CSMD1: variants seen among roughly 807,000 people sequenced by gnomAD.
The protein encoded by CSMD1 is CUB and sushi domain-containing protein 1.
CSMD1 carries 213 observed loss-of-function variants against 417.5 expected under a neutral mutation model. The observed-to-expected ratio is 0.51, with a 90% CI of 0.46 to 0.57. The LOEUF (loss-of-function observed/expected upper bound fraction) is 0.57, where lower values mean the gene tolerates loss of function less well. Ranked by LOEUF, CSMD1 falls within the 20% of genes least tolerant of loss-of-function variation. The probability of loss-of-function intolerance (pLI) is 0.00; values close to 1 mark genes in which losing one functional copy is unlikely to be tolerated. For synonymous variants in CSMD1, 2,862 were observed against 1,736.8 expected (o/e 1.65, Z -16.11); for missense variants, 6,923 against 4,529.7 (o/e 1.53, Z -15.17).
chr8:3,797,323 A>T (rs944738432), intron 5 of CSMD1, among the ~76,000 whole-genome samples: 3 of 151,974 alleles, frequency 2.0e-5, no homozygotes, highest in Admixed American at 1.3e-4. Flanking sequence ...ATATAATTCA[A>T]TGATTGTTGA....
chr8:2,961,821 C>A (rs777054524), intron 61 of CSMD1, among the ~76,000 whole-genome samples: 3 of 152,080 alleles, frequency 2.0e-5, no homozygotes, highest in African/African-American at 2.4e-5. Flanking sequence ...GAGTGACTAA[C>A]CTTCTAGGGG....
chr8:3,929,072 A>T (rs1809956308), intron 5 of CSMD1, among the ~76,000 whole-genome samples: 1 of 150,480 alleles, frequency 6.6e-6, no homozygotes. Context: ...GAAAATTAAA[A>T]GCACAGAGAA....
At chr8:3,950,293 C>A (rs758352695) in intron 5 of CSMD1, among the ~76,000 whole-genome samples, 1 of 152,098 alleles carries the variant, frequency 6.6e-6, no homozygotes, top group East Asian at 1.9e-4. Flanking sequence ...AATAAAAGAA[C>A]CTATTCTCCA....
At chr8:3,577,164 G>A (rs927895303) in intron 9 of CSMD1, among the ~76,000 whole-genome samples, 2 of 152,174 alleles carry the variant, frequency 1.3e-5, no homozygotes, top group African/African-American at 4.8e-5. Flanking sequence ...TTGTGTCCTA[G>A]GTGCCTGCTG....
intron 5 of CSMD1, among the ~76,000 whole-genome samples, chr8:3,793,367 T>A (rs576325822): frequency 6.6e-6 from 1 of 152,204 alleles, no homozygotes; most frequent in Non-Finnish European, 1.5e-5. Context: ...TGTCATTTTC[T>A]TTTTCTGTTC....
intron 3 of CSMD1, among the ~76,000 whole-genome samples, chr8:4,136,578 T>G (rs2407304): frequency 0.31 from 46,787 of 152,046 alleles, 7,414 homozygotes; most frequent in Middle Eastern, 0.44. Flanking sequence ...TTACAGTATT[T>G]CAGAAGATGC....
At chr8:3,900,465 G>A (rs1367026193) in intron 5 of CSMD1, among the ~76,000 whole-genome samples, 2 of 151,686 alleles carry the variant, frequency 1.3e-5, no homozygotes, top group African/African-American at 4.9e-5. Flanking sequence ...CAGTGCAGCT[G>A]GGTGACACTG....
intron 1 of CSMD1, among the ~76,000 whole-genome samples, chr8:4,671,639 A>G (rs1174128847): frequency 6.6e-6 from 1 of 152,162 alleles, no homozygotes; most frequent in African/African-American, 2.4e-5. Flanking sequence ...AGCTTCAACT[A>G]AAACGTTTTA....
chr8:4,502,537 A>G (rs1802311679), intron 2 of CSMD1, among the ~76,000 whole-genome samples: 1 of 152,190 alleles, frequency 6.6e-6, no homozygotes, highest in Non-Finnish European at 1.5e-5. Flanking sequence ...ATTAAACCCC[A>G]TAAGTGCTCT....
intron 5 of CSMD1, among the ~76,000 whole-genome samples, chr8:3,930,741 G>A (rs571708344): frequency 2.0e-5 from 3 of 150,388 alleles, no homozygotes; most frequent in Non-Finnish European, 3.0e-5. Flanking sequence ...TTAAATTTAT[G>A]TTCAAGTGCT....
intron 5 of CSMD1, among the ~76,000 whole-genome samples, chr8:3,968,468 C>G (rs1252706729): frequency 6.6e-6 from 1 of 152,128 alleles, no homozygotes; most frequent in African/African-American, 2.4e-5. Flanking sequence ...CTTTAAGAAT[C>G]TTTTTAGTTA....
intron 1 of CSMD1, among the ~76,000 whole-genome samples, chr8:4,825,432 C>A (rs1274539545): frequency 6.6e-6 from 1 of 152,012 alleles, no homozygotes. Flanking sequence ...CAGTGTAGAC[C>A]AGCAGTTTTC....
At chr8:3,597,488 T>C (rs1024194697) in intron 8 of CSMD1, among the ~76,000 whole-genome samples, 2 of 152,090 alleles carry the variant, frequency 1.3e-5, no homozygotes, top group Admixed American at 6.5e-5. Context: ...TAAATAGTTG[T>C]AAATAAAATG....
intron 5 of CSMD1, among the ~76,000 whole-genome samples, chr8:3,903,445 A>T (rs954851428): frequency 6.6e-6 from 1 of 152,192 alleles, no homozygotes; most frequent in African/African-American, 2.4e-5. Flanking sequence ...CATACACATT[A>T]TGTAAAATAT....
At chr8:4,337,029 T>C (rs2128893496) in intron 3 of CSMD1, among the ~76,000 whole-genome samples, 1 of 152,258 alleles carries the variant, frequency 6.6e-6, no homozygotes, top group East Asian at 1.9e-4. Context: ...TCTGCAATTA[T>C]AAACTGAATT....
At chr8:3,671,520 TATATGATCATATATATATATATATGA>T (rs1799045690) in intron 7 of CSMD1, among the ~76,000 whole-genome samples, 1 of 8,156 alleles carries the variant, frequency 1.2e-4, no homozygotes, top group Non-Finnish European at 2.2e-4. Context: ...TATGATCATA[TATATGATCATATATATATATATATGA>T]TCATATATAT....
chr8:4,104,221 G>C (rs540817585), intron 3 of CSMD1, among the ~76,000 whole-genome samples: 2 of 152,334 alleles, frequency 1.3e-5, no homozygotes, highest in East Asian at 1.9e-4. Flanking sequence ...ATGTACGTGA[G>C]TGCGGATACA....
At chr8:3,639,704 C>A (rs557935215) in intron 7 of CSMD1, among the ~76,000 whole-genome samples, 1 of 152,296 alleles carries the variant, frequency 6.6e-6, no homozygotes, top group South Asian at 2.1e-4. Flanking sequence ...ACGTAAACAT[C>A]AACATCTTTG....
At chr8:3,803,498 G>A (rs572302216) in intron 5 of CSMD1, among the ~76,000 whole-genome samples, 2 of 152,260 alleles carry the variant, frequency 1.3e-5, no homozygotes, top group African/African-American at 4.8e-5. Context: ...ATAACAAGAA[G>A]AGCCCATGCA....
Sources: gnomAD v4.1 joint callset for allele counts (sites outside exome capture counted in the v4.1 genomes callset) on GRCh38, gnomAD v4.1.1 for gene constraint, MANE v1.5 for transcripts, NCBI Gene and HGNC (gene_info 2026-07-23, HGNC 2026-07-21) for gene names.